The following BCL2L14 variants were observed in gnomAD, a reference collection of about 807,000 sequenced individuals.
The protein encoded by BCL2L14 is apoptosis facilitator Bcl-2-like protein 14.
Under a neutral mutation model 35.3 loss-of-function variants are expected in BCL2L14, and 27 were observed. The observed-to-expected ratio is 0.76, with a 90% CI of 0.56 to 1.05. The LOEUF (loss-of-function observed/expected upper bound fraction) is 1.05, where lower values mean the gene tolerates loss of function less well. BCL2L14 is among the 50% of genes least tolerant of loss of function. The probability of loss-of-function intolerance (pLI) is 0.00; values close to 1 mark genes in which losing one functional copy is unlikely to be tolerated. For synonymous variants in BCL2L14, 139 were observed against 145.9 expected (o/e 0.95, Z 0.34); for missense variants, 377 against 382.6 (o/e 0.99, Z 0.12).
chr12:12,094,980 G>T, intron 5 of BCL2L14, 50 bp downstream of exon 5: 1 of 1,552,186 alleles, frequency 6.4e-7, no homozygotes, highest in South Asian at 1.2e-5. Flanking sequence ...CAGAAGAGAT[G>T]GGATGGATTT....
At chr12:12,052,680 C>T (rs1193947231) in intron 2 of BCL2L14, among the ~76,000 whole-genome samples, 1 of 152,138 alleles carries the variant, frequency 6.6e-6, no homozygotes, top group Non-Finnish European at 1.5e-5. Flanking sequence ...TTGCAATGAA[C>T]ATGGGAGTTC....
At chr12:12,069,257 C>T (rs562616478), upstream of BCL2L14, among the ~76,000 whole-genome samples, 3 of 152,258 alleles carry the variant, frequency 2.0e-5, no homozygotes, top group African/African-American at 7.2e-5. Flanking sequence ...CCAGGCTGGT[C>T]TTCAAGTGAT....
intron 1 of BCL2L14, among the ~76,000 whole-genome samples, chr12:12,073,977 T>G (rs993309494): frequency 6.6e-6 from 1 of 152,072 alleles, no homozygotes; most frequent in African/African-American, 2.4e-5. Flanking sequence ...CAGCAACAGC[T>G]TCCCCTCCTA....
At chr12:12,066,855 C>T (rs534701502), upstream of BCL2L14, among the ~76,000 whole-genome samples, 15 of 151,712 alleles carry the variant, frequency 9.9e-5, no homozygotes, top group East Asian at 2.1e-3. Context: ...GGACTACAGG[C>T]GCCCACCACC....
intron 2 of BCL2L14, 85 bp from the exon 3 acceptor site, chr12:12,087,128 C>CT: frequency 7.0e-7 from 1 of 1,434,356 alleles, no homozygotes; most frequent in African/African-American, 1.4e-5. Context: ...CTGGCCTGGT[C>CT]TTTTCATTCC....
chr12:12,078,841 G>C (rs569448406), intron 1 of BCL2L14, among the ~76,000 whole-genome samples: 1 of 152,290 alleles, frequency 6.6e-6, no homozygotes, highest in South Asian at 2.1e-4. Flanking sequence ...TCTGTCGCCA[G>C]GCTGGAGTGC....
chr12:12,078,321 C>T (rs565664592), intron 1 of BCL2L14, among the ~76,000 whole-genome samples: 11 of 152,212 alleles, frequency 7.2e-5, no homozygotes, highest in African/African-American at 7.2e-5. Flanking sequence ...GAGAAGGAAC[C>T]GAGGAAGGGA....
Position 12,079,649 on chromosome 12 carries a change from A to T in BCL2L14, c.344A>T (p.Gln115Leu), listed in dbSNP as rs772620076. 1.2e-6 allele frequency: 2 copies of T among 1,614,198 alleles called. No individual in the cohort carries two copies. Among genetic ancestry groups the T allele is most frequent in the Non-Finnish European group, 1.7e-6 (2 of 1,180,042 alleles). ...AGCACGCCTGCCAAGGTCTCTGCTC[A>T]GGGTCAAAGGACGTTGGAATACCAA... is the stretch of plus-strand genomic sequence containing the variant. ...SQSTPAKVSA[Q>L]GQRTLEYQDS... Residue 115 changes from glutamine to leucine, a missense_variant, in exon 2 of 6, where the codon CAG (glutamine) becomes CTG (leucine). Coordinates refer to ENST00000308721, the MANE Select transcript of BCL2L14 (RefSeq NM_138723.2).
intron 2 of BCL2L14, among the ~76,000 whole-genome samples, chr12:12,080,976 G>C (rs946932328): frequency 7.2e-5 from 11 of 152,138 alleles, no homozygotes; most frequent in Admixed American, 2.0e-4. Context: ...TTGAGCTCAG[G>C]AGTTCAAGAC....
intron 2 of BCL2L14, among the ~76,000 whole-genome samples, chr12:12,060,873 G>A (rs113959848): frequency 9.4e-6 from 1 of 106,906 alleles, no homozygotes; most frequent in Non-Finnish European, 1.9e-5. Flanking sequence ...CTGCCCGATA[G>A]CTTCGGAAGT....
At chr12:12,095,512 A>G in intron 5 of BCL2L14, 16 of 985,418 alleles carry the variant, frequency 1.6e-5, no homozygotes, top group Non-Finnish European at 1.8e-5. Context: ...ACCCTCTCCC[A>G]TCCCTCATCC....
rs1320210951 is a variant in BCL2L14 at position 12,098,964 on chromosome 12, G to T, written c.960G>T (p.Gly320=). The change falls in exon 6 of 6, where the codon GGG becomes GGT. Residue 320 remains glycine (G), a synonymous_variant. Transcript: ENST00000308721. ...TTCCCCTCTAGGAAAAAATACTTGGGATATCACATGAAGAAGTAGACTGAA... is the reference window on the plus strand; with the variant it reads ...TTCCCCTCTAGGAAAAAATACTTGGTATATCACATGAAGAAGTAGACTGAA... The part of the protein sequence containing the change: ...QQHGGWEKIL[G]ISHEEVD 1 of 1,598,508 alleles carries T rather than the reference G, an allele frequency of 6.3e-7. No homozygotes were observed. Among genetic ancestry groups the T allele is most frequent in the Non-Finnish European group, 8.6e-7 (1 of 1,165,784 alleles).
chr12:12,076,875 A>G (rs1948790708), intron 1 of BCL2L14, among the ~76,000 whole-genome samples: 1 of 152,156 alleles, frequency 6.6e-6, no homozygotes, highest in African/African-American at 2.4e-5. Context: ...TAGCAGAACC[A>G]GGGGGAAAAG....
At chr12:12,069,419 G>T (rs1354056460), upstream of BCL2L14, among the ~76,000 whole-genome samples, 14 of 152,142 alleles carry the variant, frequency 9.2e-5, no homozygotes, top group African/African-American at 3.4e-4. Context: ...CAAGTTTTTG[G>T]CCAGGCGCGG....
intron 2 of BCL2L14, among the ~76,000 whole-genome samples, chr12:12,061,748 G>A (rs1001690827): frequency 7.2e-5 from 11 of 152,096 alleles, no homozygotes; most frequent in East Asian, 3.9e-4. Flanking sequence ...CTGTACTGCC[G>A]GAAGGCTTCA....
At chr12:12,072,586 C>T (rs1187534239) in intron 1 of BCL2L14, 1 of 152,288 alleles carries the variant, frequency 6.6e-6, no homozygotes, top group Non-Finnish European at 1.5e-5. Flanking sequence ...ACAGGTCTCA[C>T]CCAGGAACGG....
chr12:12,082,835 GT>G (rs1321735328), intron 2 of BCL2L14, among the ~76,000 whole-genome samples: 1 of 152,082 alleles, frequency 6.6e-6, no homozygotes, highest in Non-Finnish European at 1.5e-5. Context: ...TTAATTGTGT[GT>G]TTTTTACTTG....
intron 5 of BCL2L14, among the ~76,000 whole-genome samples, chr12:12,096,452 C>A (rs1206802381): frequency 8.9e-5 from 10 of 112,162 alleles, no homozygotes; most frequent in African/African-American, 2.8e-4. Context: ...AAAAAAACAA[C>A]CCACAGAATG....
At chr12:12,078,200 G>A (rs1234128408) in intron 1 of BCL2L14, 1 of 172,100 alleles carries the variant, frequency 5.8e-6, no homozygotes, top group Non-Finnish European at 1.3e-5. Context: ...TAAAATAACA[G>A]GATGCTTTTT....
Sources: gnomAD v4.1 joint callset for allele counts (sites outside exome capture counted in the v4.1 genomes callset) on GRCh38, gnomAD v4.1.1 for gene constraint, MANE v1.5 for transcripts, NCBI Gene and HGNC (gene_info 2026-07-23, HGNC 2026-07-21) for gene names.